Variants in CCSER1 observed in about 807,000 individuals in gnomAD.
The protein encoded by CCSER1 is serine-rich coiled-coil domain-containing protein 1.
Under a neutral mutation model 82.0 loss-of-function variants are expected in CCSER1, and 41 were observed. The ratio of observed to expected loss-of-function variants is 0.50; its 90% confidence interval spans 0.39 to 0.65. CCSER1 has a LOEUF of 0.65. Ranked by LOEUF, CCSER1 falls within the 30% of genes least tolerant of loss-of-function variation. The pLI, the probability that CCSER1 is intolerant of heterozygous loss-of-function variation, is 0.00. For synonymous variants in CCSER1, 414 were observed against 383.9 expected (o/e 1.08, Z -0.92); for missense variants, 1,119 against 1,064.2 (o/e 1.05, Z -0.72).
At chr4:91,404,918 G>T (rs1752595065) in intron 10 of CCSER1, among the ~76,000 whole-genome samples, 1 of 152,142 alleles carries the variant, frequency 6.6e-6, no homozygotes, top group Admixed American at 6.5e-5. Flanking sequence ...GGTCCACTTG[G>T]TGCAGAGCTG....
intron 10 of CCSER1, among the ~76,000 whole-genome samples, chr4:91,221,007 TTAAA>T (rs1484763235): frequency 2.0e-5 from 3 of 152,146 alleles, no homozygotes; most frequent in Non-Finnish European, 2.9e-5. Context: ...ATTAATTTAG[TTAAA>T]TAAACTAAAA....
At chr4:90,185,181 A>C (rs1001294279) in intron 1 of CCSER1, among the ~76,000 whole-genome samples, 2 of 151,996 alleles carry the variant, frequency 1.3e-5, no homozygotes, top group Non-Finnish European at 2.9e-5. Flanking sequence ...GGGATCTACA[A>C]TCTTTGGTGA....
intron 10 of CCSER1, among the ~76,000 whole-genome samples, chr4:91,271,586 C>T (rs1374463922): frequency 1.3e-5 from 2 of 152,010 alleles, no homozygotes; most frequent in East Asian, 3.9e-4. Flanking sequence ...TCATCCAGGT[C>T]GCTGCAAATG....
chr4:90,883,263 A>G (rs2150081360), intron 8 of CCSER1, among the ~76,000 whole-genome samples: 1 of 152,228 alleles, frequency 6.6e-6, no homozygotes, highest in East Asian at 1.9e-4. Flanking sequence ...CCATAGACCT[A>G]GTAGAGATGA....
intron 1 of CCSER1, among the ~76,000 whole-genome samples, chr4:90,220,765 A>G (rs538415007): frequency 3.5e-4 from 53 of 152,336 alleles, no homozygotes; most frequent in African/African-American, 1.2e-3. Context: ...GGTCCTGATC[A>G]TTTCAGATAT....
At chr4:90,861,694 C>T (rs1765103653) in intron 8 of CCSER1, among the ~76,000 whole-genome samples, 3 of 151,808 alleles carry the variant, frequency 2.0e-5, no homozygotes, top group African/African-American at 2.4e-5. Flanking sequence ...ACTTAATTAA[C>T]TCAGAATATC....
intron 7 of CCSER1, among the ~76,000 whole-genome samples, chr4:90,784,035 GA>G (rs1425806743): frequency 2.5e-4 from 38 of 152,170 alleles, no homozygotes; most frequent in African/African-American, 9.2e-4. Flanking sequence ...CAGAATCACA[GA>G]ATTTTTGTTG....
At chr4:90,477,151 A>G (rs1304462857) in intron 5 of CCSER1, among the ~76,000 whole-genome samples, 3 of 152,226 alleles carry the variant, frequency 2.0e-5, no homozygotes, top group Non-Finnish European at 2.9e-5. Flanking sequence ...TGTGTTCTAT[A>G]ATTTAGGTTT....
chr4:90,146,036 C>G (rs968652371), intron 1 of CCSER1, among the ~76,000 whole-genome samples: 8 of 152,132 alleles, frequency 5.3e-5, no homozygotes, highest in African/African-American at 1.9e-4. Context: ...AATTAATACT[C>G]TTACCTTCCC....
At chr4:91,179,880 G>A (rs1733829788) in intron 10 of CCSER1, among the ~76,000 whole-genome samples, 1 of 152,182 alleles carries the variant, frequency 6.6e-6, no homozygotes, top group African/African-American at 2.4e-5. Flanking sequence ...GAGGAGAAGA[G>A]GCGCTCTGAT....
chr4:90,230,770 T>TA (rs1744347673), intron 1 of CCSER1, among the ~76,000 whole-genome samples: 1 of 151,340 alleles, frequency 6.6e-6, no homozygotes, highest in Admixed American at 6.6e-5. Context: ...ATAGACGCAA[T>TA]AAAAAATGAT....
At chr4:91,153,317 G>C (rs556730300) in intron 10 of CCSER1, among the ~76,000 whole-genome samples, 1 of 151,880 alleles carries the variant, frequency 6.6e-6, no homozygotes, top group South Asian at 2.1e-4. Flanking sequence ...CTTGAAGCTT[G>C]TGCATGCATC....
rs529511248 is a variant in CCSER1 at position 90,247,324 on chromosome 4, G to A, written c.-41-60920G>A. On this transcript the variant is annotated intron_variant, in intron 1 of 10. Transcript: ENST00000509176. ...CTTATCTCGTACAGAGTTGAGGACAGGTAAAAGGGAACTTGTCGTAGTTGT... is the reference window on the plus strand; with the variant it reads ...CTTATCTCGTACAGAGTTGAGGACAAGTAAAAGGGAACTTGTCGTAGTTGT... Among the ~76,000 whole-genome samples the A allele has an allele frequency of 2.0e-5, 3 of 152,264 alleles. No homozygotes were observed. In the East Asian group the frequency reaches 5.8e-4, roughly 29 times the overall value.
intron 10 of CCSER1, among the ~76,000 whole-genome samples, chr4:91,282,646 A>G (rs1432546580): frequency 6.6e-6 from 1 of 152,168 alleles, no homozygotes; most frequent in African/African-American, 2.4e-5. Context: ...CGTCTTATTT[A>G]TCATCCTTTA....
intron 10 of CCSER1, among the ~76,000 whole-genome samples, chr4:91,393,573 A>G (rs1028067354): frequency 3.3e-5 from 5 of 152,114 alleles, no homozygotes; most frequent in Non-Finnish European, 5.9e-5. Flanking sequence ...TTCGTTGTCA[A>G]TCTTAAGATA....
intron 3 of CCSER1, among the ~76,000 whole-genome samples, chr4:90,339,507 T>C (rs1412204846): frequency 6.6e-6 from 1 of 152,188 alleles, no homozygotes; most frequent in Non-Finnish European, 1.5e-5. Context: ...GCTTTCGCTC[T>C]CCAGTTATCT....
rs114796161 is a variant in CCSER1, at chr4:91,114,232, A to G, written c.2217+28238A>G. ...CAGACACTACCTCCAAGCAGCTTAT[A>G]AGCTTATGATGTTTCCTTGATTCAA... is the stretch of plus-strand genomic sequence containing the variant. On this transcript the variant is annotated intron_variant, in intron 10 of 10. Coordinates refer to ENST00000509176, the MANE Select transcript of CCSER1 (RefSeq NM_001145065.2). Among the ~76,000 whole-genome samples the G allele has an allele frequency of 5.8e-3, 878 of 152,278 alleles. 11 individuals are homozygous for G. Among genetic ancestry groups the G allele is most frequent in the African/African-American group, 0.02 (840 of 41,556 alleles).
At chr4:91,153,242 C>G (rs923547942) in intron 10 of CCSER1, among the ~76,000 whole-genome samples, 9 of 152,048 alleles carry the variant, frequency 5.9e-5, no homozygotes, top group South Asian at 2.1e-4. Context: ...CCTCTCTTCT[C>G]ACTTCATTTC....
At chr4:90,585,651 A>T (rs188882579) in intron 5 of CCSER1, among the ~76,000 whole-genome samples, 33 of 152,320 alleles carry the variant, frequency 2.2e-4, no homozygotes, top group Admixed American at 7.2e-4. Flanking sequence ...ACTAGGTTGA[A>T]TGACTTTTTT....
Sources: gnomAD v4.1 joint callset for allele counts (sites outside exome capture counted in the v4.1 genomes callset) on GRCh38, gnomAD v4.1.1 for gene constraint, MANE v1.5 for transcripts, NCBI Gene and HGNC (gene_info 2026-07-23, HGNC 2026-07-21) for gene names.